NRG1: variants seen among roughly 807,000 people sequenced by gnomAD.
NRG1 encodes pro-neuregulin-1, membrane-bound isoform.
NRG1 carries 18 observed loss-of-function variants against 63.8 expected under a neutral mutation model. The ratio of observed to expected loss-of-function variants is 0.28; its 90% CI spans 0.19 to 0.42. The LOEUF (loss-of-function observed/expected upper bound fraction) is 0.42, where lower values mean the gene tolerates loss of function less well. Ranked by LOEUF, NRG1 falls within the 10% of genes least tolerant of loss-of-function variation. The probability of loss-of-function intolerance (pLI) is 1.00; values close to 1 mark genes in which losing one functional copy is unlikely to be tolerated. For missense variants in NRG1, 762 were observed against 814.7 expected (o/e 0.94, Z 0.79); for synonymous variants, 302 against 301.3 (o/e 1.00, Z -0.02).
chr8:32,058,377 T>G (rs931131241), intron 1 of NRG1, among the ~76,000 whole-genome samples: 3 of 151,984 alleles, frequency 2.0e-5, no homozygotes, highest in African/African-American at 7.2e-5. Flanking sequence ...ACACATGCAT[T>G]GCACACAGGA....
At chr8:32,396,405 G>C (rs562000577) in intron 1 of NRG1, among the ~76,000 whole-genome samples, 6 of 152,214 alleles carry the variant, frequency 3.9e-5, no homozygotes, top group African/African-American at 1.4e-4. Flanking sequence ...TTCACATAGA[G>C]ATCTTGTATA....
At chr8:31,849,866 T>G (rs898376518) in intron 1 of NRG1, among the ~76,000 whole-genome samples, 3 of 152,220 alleles carry the variant, frequency 2.0e-5, no homozygotes, top group Non-Finnish European at 4.4e-5. Context: ...ATTTATGTTT[T>G]GAATTTGTCT....
At chr8:31,932,644 G>T (rs1834960529) in intron 1 of NRG1, among the ~76,000 whole-genome samples, 1 of 152,140 alleles carries the variant, frequency 6.6e-6, no homozygotes, top group Admixed American at 6.5e-5. Flanking sequence ...ATTTTCTATA[G>T]AAATTTTGTA....
intron 5 of NRG1, chr8:32,721,700 C>G: frequency 2.3e-6 from 1 of 426,562 alleles, no homozygotes; most frequent in South Asian, 8.1e-5. Flanking sequence ...AATGACTTCT[C>G]AGGAAAAAAT....
At chr8:31,997,301 T>C (rs1812169565) in intron 1 of NRG1, among the ~76,000 whole-genome samples, 1 of 151,796 alleles carries the variant, frequency 6.6e-6, no homozygotes, top group Admixed American at 6.6e-5. Flanking sequence ...AAATAATATA[T>C]TTCCTTTTGA....
At chr8:31,662,265 TTTC>T (rs1806066115) in intron 1 of NRG1, among the ~76,000 whole-genome samples, 1 of 152,188 alleles carries the variant, frequency 6.6e-6, no homozygotes, top group Admixed American at 6.5e-5. Flanking sequence ...TTTGTGCACT[TTTC>T]TTCATACATT....
rs528424309 is a variant in NRG1, at chr8:32,045,272, C to T, written c.37+405841C>T. ...GTGAAGCACTTAGACATAAACCTAA[C>T]AAAACATGTACAAGATATGTATGCT... On this transcript the variant is annotated intron_variant, in intron 1 of 10. Transcript: ENST00000519301. Among the ~76,000 whole-genome samples the T allele has an allele frequency of 7.2e-5, 11 of 151,930 alleles. No homozygotes were observed. The South Asian group carries it at 2.1e-3, about 29-fold the overall frequency.
chr8:32,328,915 G>A (rs535811972), intron 1 of NRG1, among the ~76,000 whole-genome samples: 1 of 125,306 alleles, frequency 8.0e-6, no homozygotes, highest in Non-Finnish European at 1.7e-5. Context: ...TGACTGTGAC[G>A]TGGAAGGTGG....
chr8:32,525,725 C>A (rs1830767709), intron 1 of NRG1, among the ~76,000 whole-genome samples: 1 of 152,118 alleles, frequency 6.6e-6, no homozygotes, highest in African/African-American at 2.4e-5. Flanking sequence ...AGCACCAACA[C>A]CCGCCCCCTT....
At chr8:31,649,903 G>C (rs1343818922) in intron 1 of NRG1, among the ~76,000 whole-genome samples, 8 of 152,132 alleles carry the variant, frequency 5.3e-5, no homozygotes. Flanking sequence ...CAATTTCCCT[G>C]TCTGTATTCC....
chr8:32,720,123 TA>T (rs923940411), intron 5 of NRG1, among the ~76,000 whole-genome samples: 1 of 152,144 alleles, frequency 6.6e-6, no homozygotes, highest in African/African-American at 2.4e-5. Flanking sequence ...GTGAATAAAT[TA>T]ACATGTCATT....
At chr8:32,758,290 ACT>A (rs577213607) in intron 9 of NRG1, among the ~76,000 whole-genome samples, 530 of 152,104 alleles carry the variant, frequency 3.5e-3, no homozygotes, top group Non-Finnish European at 5.9e-3. Context: ...AATAAAGTAG[ACT>A]CTGACTAGGC....
intron 7 of NRG1, chr8:32,749,928 A>G (rs1828348252): frequency 3.8e-6 from 1 of 260,568 alleles, no homozygotes; most frequent in Non-Finnish European, 7.3e-6. Context: ...CACATAAAGG[A>G]TACAGGGGAA....
At chr8:32,047,118 A>G (rs1821137003) in intron 1 of NRG1, among the ~76,000 whole-genome samples, 2 of 151,958 alleles carry the variant, frequency 1.3e-5, no homozygotes, top group Admixed American at 6.6e-5. Flanking sequence ...TATTCCCTAA[A>G]GATCCGAGTT....
intron 1 of NRG1, among the ~76,000 whole-genome samples, chr8:32,043,900 A>C (rs1820496612): frequency 6.6e-6 from 1 of 151,940 alleles, no homozygotes; most frequent in African/African-American, 2.4e-5. Flanking sequence ...TAAAAATCAG[A>C]AACAACCAGC....
intron 1 of NRG1, among the ~76,000 whole-genome samples, chr8:31,846,817 T>C (rs1040266822): frequency 6.6e-6 from 1 of 152,134 alleles, no homozygotes; most frequent in Admixed American, 6.5e-5. Flanking sequence ...TTAAACATGA[T>C]GTGTTAGGAT....
intron 1 of NRG1, among the ~76,000 whole-genome samples, chr8:32,316,349 G>T (rs1171520905): frequency 2.6e-5 from 4 of 151,982 alleles, no homozygotes; most frequent in African/African-American, 9.7e-5. Flanking sequence ...GGTGGCGCAT[G>T]CCTGTAGTCC....
intron 1 of NRG1, among the ~76,000 whole-genome samples, chr8:31,898,929 C>T (rs1286011688): frequency 1.3e-5 from 2 of 152,056 alleles, no homozygotes; most frequent in Non-Finnish European, 2.9e-5. Flanking sequence ...TGTGTTTCTC[C>T]TTCACTCTCT....
intron 1 of NRG1, among the ~76,000 whole-genome samples, chr8:32,486,071 G>A (rs1825856169): frequency 6.6e-6 from 1 of 152,036 alleles, no homozygotes; most frequent in South Asian, 2.1e-4. Flanking sequence ...GGGATTACAG[G>A]CGCTCCCCCC....
Sources: gnomAD v4.1 joint callset for allele counts (sites outside exome capture counted in the v4.1 genomes callset) on GRCh38, gnomAD v4.1.1 for gene constraint, MANE v1.5 for transcripts, NCBI Gene and HGNC (gene_info 2026-07-23, HGNC 2026-07-21) for gene names.